MGMT: variants seen among roughly 807,000 people sequenced by gnomAD.
MGMT encodes the protein O-6-methylguanine-DNA methyltransferase, also known as methylated-DNA--protein-cysteine methyltransferase.
A neutral mutation model predicts 15.9 loss-of-function variants in MGMT; 14 were observed. The ratio of observed to expected loss-of-function variants is 0.88; its 90% CI spans 0.58 to 1.37. The LOEUF (loss-of-function observed/expected upper bound fraction) is 1.37. Among genes scored for constraint, MGMT ranks in the 40% most tolerant of loss-of-function variants. The pLI is 0.00. For missense variants in MGMT, 282 were observed against 268.1 expected (o/e 1.05, Z -0.36); for synonymous variants, 130 against 118.2 (o/e 1.10, Z -0.65).
chr10:129,558,211 T>G (rs1250141320), intron 2 of MGMT, among the ~76,000 whole-genome samples: 1 of 152,164 alleles, frequency 6.6e-6, no homozygotes, highest in East Asian at 1.9e-4. Context: ...AATGGCCAAA[T>G]ATAAATGTAT....
intron 1 of MGMT, among the ~76,000 whole-genome samples, chr10:129,509,046 G>T (rs887535950): frequency 6.6e-6 from 1 of 152,208 alleles, no homozygotes; most frequent in African/African-American, 2.4e-5. Flanking sequence ...GCTCTTTTCT[G>T]CTGGGCTGCG....
chr10:129,745,653 C>T (rs932194673), intron 3 of MGMT, among the ~76,000 whole-genome samples: 4 of 152,184 alleles, frequency 2.6e-5, no homozygotes, highest in Non-Finnish European at 5.9e-5. Flanking sequence ...TTTGGCCATT[C>T]TAATAGATAT....
At chr10:129,610,870 C>T (rs1846951536) in intron 2 of MGMT, among the ~76,000 whole-genome samples, 1 of 152,154 alleles carries the variant, frequency 6.6e-6, no homozygotes, top group South Asian at 2.1e-4. Flanking sequence ...TCTGTTTGGC[C>T]CACTGCTGTA....
intron 2 of MGMT, among the ~76,000 whole-genome samples, chr10:129,570,705 A>G (rs1564855896): frequency 6.6e-6 from 1 of 152,230 alleles, no homozygotes; most frequent in African/African-American, 2.4e-5. Flanking sequence ...ACTGAAAAAA[A>G]TTGACTATTC....
intron 2 of MGMT, among the ~76,000 whole-genome samples, chr10:129,668,792 C>A (rs1288751413): frequency 5.3e-5 from 8 of 151,956 alleles, no homozygotes; most frequent in African/African-American, 1.9e-4. Flanking sequence ...TTTAAAAGAA[C>A]TTTTTCTTTT....
chr10:129,698,923 G>A (rs943668814), intron 2 of MGMT, among the ~76,000 whole-genome samples: 1 of 152,184 alleles, frequency 6.6e-6, no homozygotes, highest in Non-Finnish European at 1.5e-5. Context: ...CATACATAAT[G>A]AATTGTGCTT....
chr10:129,620,311 G>A (rs1389107797), intron 2 of MGMT, among the ~76,000 whole-genome samples: 1 of 152,186 alleles, frequency 6.6e-6, no homozygotes, highest in Admixed American at 6.5e-5. Flanking sequence ...AATATACCCT[G>A]CCATTGTGTG....
chr10:129,741,659 A>T lies in MGMT; in HGVS notation c.275-17543A>T, dbSNP rs1302935188. Among the ~76,000 whole-genome samples the T allele has an allele frequency of 3.9e-5, 6 of 152,218 alleles. No homozygotes were observed. In the East Asian group the frequency reaches 1.2e-3, roughly 29 times the overall value. On this transcript the variant is annotated intron_variant, in intron 3 of 4. Transcript: ENST00000651593. ...TACCACTGTGTTCGAGGAGGGACTG[A>T]TATTTCGAGTGGGGTCACCATCACA...
intron 2 of MGMT, among the ~76,000 whole-genome samples, chr10:129,675,064 C>G (rs957833571): frequency 6.6e-6 from 1 of 152,164 alleles, no homozygotes; most frequent in Non-Finnish European, 1.5e-5. Context: ...TAAGAGCTCA[C>G]GAGTGCCTGT....
chr10:129,516,989 G>A (rs1462000095), intron 1 of MGMT, among the ~76,000 whole-genome samples: 2 of 152,242 alleles, frequency 1.3e-5, no homozygotes, highest in Non-Finnish European at 2.9e-5. Context: ...TCTACCCCGA[G>A]TGCGGTTGGT....
chr10:129,745,043 C>T (rs991935231), intron 3 of MGMT, among the ~76,000 whole-genome samples: 5 of 152,178 alleles, frequency 3.3e-5, no homozygotes, highest in East Asian at 3.9e-4. Flanking sequence ...AGGAGCCCTC[C>T]GTGGTGACAG....
At position 129,767,055 on chromosome 10, in the gene MGMT, C is replaced by T. The variant is rs930616221; in HGVS notation, c.*58C>T. On this transcript the variant is annotated 3_prime_UTR_variant, in exon 5 of 5. Transcript: ENST00000651593. ...CACACGTGTAACACTGCATCGGATG[C>T]GGGGCGTGGAGGCACCGCTGTATTA... is the stretch of plus-strand genomic sequence containing the variant. 2.0e-5 allele frequency: 29 copies of T among 1,420,454 alleles called. No individual in the cohort carries two copies. The East Asian group carries it at 2.1e-4, about 10-fold the overall frequency. The allele number at this position is 1,420,454 out of a possible 1,614,324, so 88.0% of individuals were successfully genotyped here. A position where few individuals can be genotyped will look rare whatever the true frequency, so the allele number is the denominator to read the frequency against.
intron 2 of MGMT, among the ~76,000 whole-genome samples, chr10:129,548,476 T>C (rs1846120437): frequency 6.6e-6 from 1 of 152,270 alleles, no homozygotes; most frequent in South Asian, 2.1e-4. Context: ...GGAAGAGTTA[T>C]TGTACAACCC....
intron 2 of MGMT, among the ~76,000 whole-genome samples, chr10:129,627,915 T>C (rs930638428): frequency 3.3e-5 from 5 of 152,222 alleles, no homozygotes; most frequent in South Asian, 4.1e-4. Flanking sequence ...GTGTTGATAT[T>C]GTCTTCCCTG....
At chr10:129,484,470 T>C (rs1234325786) in intron 1 of MGMT, among the ~76,000 whole-genome samples, 2 of 152,258 alleles carry the variant, frequency 1.3e-5, no homozygotes, top group Non-Finnish European at 2.9e-5. Flanking sequence ...CCTTTTAAAA[T>C]ATCTTCTATT....
intron 2 of MGMT, among the ~76,000 whole-genome samples, chr10:129,540,262 A>AT (rs1174195056): frequency 2.0e-5 from 3 of 152,128 alleles, no homozygotes; most frequent in Non-Finnish European, 1.5e-5. Flanking sequence ...TAATTCATGT[A>AT]TTTTTTCCAG....
rs182403221 is a variant in MGMT, at chr10:129,487,362, G to T, written c.-13+20066G>T. ...GACATCACATCTCTGGGGTTGCTAGGAAGTAAAGGAGAAAATGGGTTCACT... is the reference window on the plus strand; with the variant it reads ...GACATCACATCTCTGGGGTTGCTAGTAAGTAAAGGAGAAAATGGGTTCACT... On this transcript the variant is annotated intron_variant, in intron 1 of 4. Coordinates refer to ENST00000651593, the MANE Select transcript of MGMT (RefSeq NM_002412.5). Among the ~76,000 whole-genome samples, 385 of 152,192 alleles carry T rather than the reference G, an allele frequency of 2.5e-3. 3 individuals carry two copies. Among genetic ancestry groups the T allele is most frequent in the African/African-American group, 9.0e-3 (372 of 41,522 alleles).
chr10:129,493,844 A>G (rs1174605914), intron 1 of MGMT, among the ~76,000 whole-genome samples: 4 of 152,202 alleles, frequency 2.6e-5, no homozygotes, highest in Admixed American at 6.5e-5. Flanking sequence ...AAGCTGAGTG[A>G]AACTCTAGAG....
chr10:129,737,027 A>G (rs1396930913), intron 3 of MGMT, among the ~76,000 whole-genome samples: 8 of 151,832 alleles, frequency 5.3e-5, no homozygotes, highest in Non-Finnish European at 7.4e-5. Context: ...GAATCTGACA[A>G]TTATGTGTCT....
Sources: gnomAD v4.1 joint callset for allele counts (sites outside exome capture counted in the v4.1 genomes callset) on GRCh38, gnomAD v4.1.1 for gene constraint, MANE v1.5 for transcripts, NCBI Gene and HGNC (gene_info 2026-07-23, HGNC 2026-07-21) for gene names.